The following XYLT1 variants were observed in gnomAD, a reference collection of about 807,000 sequenced individuals.
XYLT1 encodes the protein xylosyltransferase 1.
Under a neutral mutation model 91.3 loss-of-function variants are expected in XYLT1, and 36 were observed. The ratio of observed to expected loss-of-function variants is 0.39; its 90% CI spans 0.30 to 0.52. The LOEUF (loss-of-function observed/expected upper bound fraction) is 0.52. Among genes scored for constraint, XYLT1 ranks in the 20% least tolerant of loss-of-function variants. The pLI is 0.68. For synonymous variants in XYLT1, 588 were observed against 532.0 expected, an observed-to-expected ratio of 1.11 and a Z score of -1.45; for missense variants, 1,242 against 1,284.5, an observed-to-expected ratio of 0.97 and a Z score of 0.51.
At chr16:17,140,128 G>T (rs2030919622) in intron 7 of XYLT1, among the ~76,000 whole-genome samples, 1 of 152,196 alleles carries the variant, frequency 6.6e-6, no homozygotes, top group South Asian at 2.1e-4. Context: ...CCTCAACCCA[G>T]CTCTGACCGG....
intron 5 of XYLT1, among the ~76,000 whole-genome samples, chr16:17,173,685 T>C (rs1008452183): frequency 3.3e-5 from 5 of 152,260 alleles, no homozygotes; most frequent in Admixed American, 3.3e-4. Flanking sequence ...GGCAGATACA[T>C]CAGCAGGTCC....
chr16:17,332,672 T>C (rs943019552), intron 2 of XYLT1, among the ~76,000 whole-genome samples: 4 of 151,970 alleles, frequency 2.6e-5, no homozygotes, highest in African/African-American at 9.7e-5. Flanking sequence ...AAAGTCCCTC[T>C]CTAGAGGTCA....
chr16:17,248,522 A>G (rs2141744446), intron 3 of XYLT1, among the ~76,000 whole-genome samples: 1 of 152,108 alleles, frequency 6.6e-6, no homozygotes. Context: ...GAGCAGATTA[A>G]CCTTTTTGCT....
chr16:17,440,453 C>T (rs1037601588), intron 1 of XYLT1, among the ~76,000 whole-genome samples: 1 of 152,198 alleles, frequency 6.6e-6, no homozygotes, highest in African/African-American at 2.4e-5. Context: ...GTCAGCACAA[C>T]TGCATTCAAT....
intron 5 of XYLT1, among the ~76,000 whole-genome samples, chr16:17,183,978 C>A (rs962447420): frequency 1.3e-5 from 2 of 151,980 alleles, no homozygotes; most frequent in African/African-American, 4.8e-5. Flanking sequence ...ACATGCGGTT[C>A]CTCCAGATTG....
At chr16:17,380,332 T>C (rs1401948177) in intron 1 of XYLT1, among the ~76,000 whole-genome samples, 1 of 152,132 alleles carries the variant, frequency 6.6e-6, no homozygotes, top group Admixed American at 6.6e-5. Flanking sequence ...AAGAGGTGGT[T>C]GGAGCGAGAT....
At chr16:17,368,138 G>A (rs12148990) in intron 1 of XYLT1, among the ~76,000 whole-genome samples, 43,349 of 151,996 alleles carry the variant, frequency 0.29, 6,440 homozygotes, top group Middle Eastern at 0.33. Flanking sequence ...CACAAACCAC[G>A]GGGGGCGGAA....
intron 10 of XYLT1, 34 bp from the exon 11 acceptor site, chr16:17,118,013 G>C (rs776578854): frequency 1.0e-5 from 16 of 1,582,578 alleles, no homozygotes; most frequent in Non-Finnish European, 3.4e-6. Context: ...AAGTCACTGG[G>C]CCTGAACTAG....
chr16:17,332,333 G>A (rs138773833), intron 2 of XYLT1, among the ~76,000 whole-genome samples: 1 of 152,162 alleles, frequency 6.6e-6, no homozygotes, highest in East Asian at 1.9e-4. Context: ...AGGCTGAAGC[G>A]GGCAGATCAC....
intron 1 of XYLT1, among the ~76,000 whole-genome samples, chr16:17,441,006 A>G (rs2036525498): frequency 6.6e-6 from 1 of 152,130 alleles, no homozygotes; most frequent in South Asian, 2.1e-4. Flanking sequence ...AATATAGTTA[A>G]GGACTCAGAG....
At chr16:17,271,151 TTTTGTTTGTTTGTTTG>T (rs76240696) in intron 2 of XYLT1, among the ~76,000 whole-genome samples, 5 of 151,362 alleles carry the variant, frequency 3.3e-5, no homozygotes, top group African/African-American at 1.2e-4. Flanking sequence ...CCTAACTGTT[TTTTGTTTGTTTGTTTG>T]TTTGTTTGTT....
chr16:17,176,972 A>C (rs1040880819), intron 5 of XYLT1, among the ~76,000 whole-genome samples: 2 of 152,090 alleles, frequency 1.3e-5, no homozygotes, highest in African/African-American at 4.8e-5. Flanking sequence ...GGACTCCTTA[A>C]CCTGGCTCTA....
intron 10 of XYLT1, among the ~76,000 whole-genome samples, chr16:17,120,582 A>ATAAG (rs2030012422): frequency 6.6e-6 from 1 of 152,112 alleles, no homozygotes; most frequent in African/African-American, 2.4e-5. Flanking sequence ...ACCTCTACTC[A>ATAAG]TAAGTCTTTC....
intron 1 of XYLT1, among the ~76,000 whole-genome samples, chr16:17,428,690 C>T (rs148071276): frequency 8.5e-4 from 129 of 152,294 alleles, no homozygotes; most frequent in African/African-American, 3.0e-3. Flanking sequence ...ATCCCCTTGC[C>T]GCCAGGGGTT....
intron 2 of XYLT1, among the ~76,000 whole-genome samples, chr16:17,329,103 C>T (rs1567376950): frequency 6.6e-6 from 1 of 152,220 alleles, no homozygotes; most frequent in Non-Finnish European, 1.5e-5. Flanking sequence ...CTCACAACGG[C>T]TCAGCTCTGC....
At position 17,429,210 on chromosome 16, in the gene XYLT1, C is replaced by T. The variant is rs372764877; in HGVS notation, c.363+41224G>A. Among the ~76,000 whole-genome samples the T allele has an allele frequency of 3.9e-5, 6 of 152,224 alleles. No homozygotes were observed. In the East Asian group the frequency reaches 9.6e-4, roughly 24 times the overall value. ...AGATAATCCGAAATTCACTTTGAAACCCCCTCTGTCCAAGCAGGCTTAAGT... is the reference window on the plus strand; with the variant it reads ...AGATAATCCGAAATTCACTTTGAAATCCCCTCTGTCCAAGCAGGCTTAAGT... On this transcript the variant is annotated intron_variant, in intron 1 of 11. Coordinates refer to ENST00000261381, the MANE Select transcript of XYLT1 (RefSeq NM_022166.4).
intron 3 of XYLT1, among the ~76,000 whole-genome samples, chr16:17,239,610 T>TCCAC (rs1214377807): frequency 1.3e-5 from 2 of 149,552 alleles, no homozygotes; most frequent in African/African-American, 4.9e-5. Context: ...CATCCATCCA[T>TCCAC]CCATCCATGC....
At chr16:17,126,524 G>C (rs774737501) in intron 10 of XYLT1, among the ~76,000 whole-genome samples, 1 of 152,146 alleles carries the variant, frequency 6.6e-6, no homozygotes, top group South Asian at 2.1e-4. Flanking sequence ...TTTGTCATGG[G>C]GATACATACA....
intron 1 of XYLT1, among the ~76,000 whole-genome samples, chr16:17,393,568 T>C (rs942069863): frequency 1.1e-4 from 17 of 152,086 alleles, no homozygotes; most frequent in Non-Finnish European, 2.1e-4. Flanking sequence ...TATCTCAATG[T>C]AGATGCTAAA....
Sources: gnomAD v4.1 joint callset for allele counts (sites outside exome capture counted in the v4.1 genomes callset) on GRCh38, gnomAD v4.1.1 for gene constraint, MANE v1.5 for transcripts, NCBI Gene and HGNC (gene_info 2026-07-23, HGNC 2026-07-21) for gene names.